The following LAMA2 variants were observed in gnomAD, a reference collection of about 807,000 sequenced individuals.
LAMA2 encodes laminin subunit alpha 2, also known as laminin subunit alpha-2.
Under a neutral mutation model 364.8 loss-of-function variants are expected in LAMA2, and 269 were observed. The ratio of observed to expected loss-of-function variants is 0.74; its 90% CI spans 0.67 to 0.82. LAMA2 has a LOEUF of 0.82. LAMA2 is among the 40% of genes least tolerant of loss of function. The pLI is 0.00. For missense variants in LAMA2, 3,807 were observed against 3,873.2 expected (o/e 0.98, Z 0.45); for synonymous variants, 1,379 against 1,370.6 (o/e 1.01, Z -0.14).
intron 32 of LAMA2, 84 bp from the exon 33 acceptor site, chr6:129,366,135 A>C (rs1777759293): frequency 7.0e-7 from 1 of 1,436,810 alleles, no homozygotes; most frequent in African/African-American, 1.4e-5. Context: ...CTTGGACCAT[A>C]AAATATTTCA....
chr6:128,941,702 T>C (rs1447835566), intron 1 of LAMA2, among the ~76,000 whole-genome samples: 2 of 152,206 alleles, frequency 1.3e-5, no homozygotes, highest in East Asian at 3.8e-4. Context: ...ATGGTAAATA[T>C]ATAAGTGAGA....
intron 11 of LAMA2, 34 bp downstream of exon 11, chr6:129,190,379 C>A: frequency 6.2e-7 from 1 of 1,605,834 alleles, no homozygotes; most frequent in Non-Finnish European, 8.5e-7. Flanking sequence ...GTTTGCTGCC[C>A]CAGCAGCCTT....
chr6:129,158,856 C>T (rs1167231433), intron 8 of LAMA2: 3 of 1,613,926 alleles, frequency 1.9e-6, no homozygotes, highest in Non-Finnish European at 2.5e-6. Flanking sequence ...CCCTGGTCAT[C>T]TTCTTCTATG....
chr6:129,468,161 A>C (rs1783639194), intron 51 of LAMA2, among the ~76,000 whole-genome samples: 1 of 151,890 alleles, frequency 6.6e-6, no homozygotes, highest in South Asian at 2.1e-4. Context: ...TTTGGGTATT[A>C]ATGACATGAA....
intron 2 of LAMA2, among the ~76,000 whole-genome samples, 170 bp downstream of exon 2, chr6:129,050,258 T>G (rs1485210987): frequency 6.6e-6 from 1 of 152,182 alleles, no homozygotes; most frequent in Admixed American, 6.5e-5. Flanking sequence ...CAAACATTAT[T>G]GGAGTTCCTG....
At chr6:129,139,251 T>G (rs546817306) in intron 4 of LAMA2, among the ~76,000 whole-genome samples, 1 of 152,222 alleles carries the variant, frequency 6.6e-6, no homozygotes, top group South Asian at 2.1e-4. Flanking sequence ...TTCCTTGAGC[T>G]TTCTACAGCT....
At chr6:129,451,640 C>T (rs774926850) in intron 45 of LAMA2, among the ~76,000 whole-genome samples, 17 of 152,170 alleles carry the variant, frequency 1.1e-4, no homozygotes, top group Non-Finnish European at 1.6e-4. Context: ...CTGTGGGAGA[C>T]GTAACAGATC....
intron 10 of LAMA2, among the ~76,000 whole-genome samples, chr6:129,184,407 G>A (rs1373775733): frequency 6.6e-6 from 1 of 151,774 alleles, no homozygotes; most frequent in South Asian, 2.1e-4. Flanking sequence ...TTTTTACATG[G>A]ACAGACTCTC....
intron 12 of LAMA2, among the ~76,000 whole-genome samples, chr6:129,249,304 A>G (rs368196552): frequency 6.6e-6 from 1 of 152,194 alleles, no homozygotes; most frequent in African/African-American, 2.4e-5. Context: ...AATTTTAAAA[A>G]AAGGATTGCA....
At chr6:129,253,034 C>T (rs1051486307) in intron 14 of LAMA2, among the ~76,000 whole-genome samples, 3 of 152,102 alleles carry the variant, frequency 2.0e-5, no homozygotes, top group Non-Finnish European at 2.9e-5. Flanking sequence ...TTGTTCTCCC[C>T]GCCCCCTTTT....
At chr6:129,237,696 G>T (rs1177897220) in intron 12 of LAMA2, among the ~76,000 whole-genome samples, 1 of 152,046 alleles carries the variant, frequency 6.6e-6, no homozygotes, top group Non-Finnish European at 1.5e-5. Flanking sequence ...AGGTGAAACT[G>T]CTATGTCAAA....
intron 14 of LAMA2, among the ~76,000 whole-genome samples, chr6:129,257,734 C>T (rs147687374): frequency 6.6e-6 from 1 of 152,134 alleles, no homozygotes; most frequent in African/African-American, 2.4e-5. Context: ...TCCATTAATT[C>T]CAGGCAGTTA....
At chr6:129,172,959 C>G (rs1562299089) in intron 9 of LAMA2, among the ~76,000 whole-genome samples, 1 of 152,368 alleles carries the variant, frequency 6.6e-6, no homozygotes, top group East Asian at 1.9e-4. Flanking sequence ...TCACCCCTTT[C>G]TGTGACTCGG....
intron 1 of LAMA2, among the ~76,000 whole-genome samples, chr6:129,027,620 AAAT>A (rs1785918589): frequency 6.6e-6 from 1 of 151,980 alleles, no homozygotes. Context: ...GATATGGGCC[AAAT>A]GATAAAGAAC....
rs779071476 is a variant in LAMA2, at chr6:129,502,713, G to A, written c.8299G>A (p.Gly2767Arg). The A allele has an allele frequency of 1.7e-5, 27 of 1,613,876 alleles. No individual in the cohort carries two copies. The highest frequency in any genetic ancestry group is 1.1e-4 in the South Asian group (10 of 91,084). ...PALLIGSKQF[G>R]LSRNSHIAIA... is the part of the protein sequence containing the mutation. ...TCTTTTGATAGGGAGCAAGCAGTTC[G>A]GGCTTTCAAGAAACAGTCACATTGC... Residue 2767 changes from glycine to arginine, a missense_variant, in exon 59 of 65, where the codon GGG becomes AGG. Gly to Arg is a moderately radical substitution (Grantham distance 125, BLOSUM62 -2). Coordinates refer to ENST00000421865, the MANE Select transcript of LAMA2 (RefSeq NM_000426.4).
intron 62 of LAMA2, 60 bp from the exon 63 acceptor site, chr6:129,512,303 C>A: frequency 6.7e-7 from 1 of 1,487,166 alleles, no homozygotes; most frequent in Non-Finnish European, 9.4e-7. Context: ...GCATTGTACA[C>A]GTTTGAATTA....
chr6:129,027,425 G>A (rs1033506214), intron 1 of LAMA2, among the ~76,000 whole-genome samples: 3 of 151,968 alleles, frequency 2.0e-5, no homozygotes, highest in Admixed American at 6.6e-5. Flanking sequence ...CTAACATGTC[G>A]TAAGTGAATG....
At chr6:129,072,056 A>C (rs1773351827) in intron 3 of LAMA2, among the ~76,000 whole-genome samples, 1 of 152,190 alleles carries the variant, frequency 6.6e-6, no homozygotes, top group Admixed American at 6.5e-5. Context: ...CTGAGGTGGG[A>C]GAATCACTTC....
intron 62 of LAMA2, among the ~76,000 whole-genome samples, chr6:129,508,770 T>C (rs189591374): frequency 2.6e-5 from 4 of 152,352 alleles, no homozygotes; most frequent in Admixed American, 2.6e-4. Context: ...GTTCATCTGC[T>C]GATGGACACT....
Sources: allele counts gnomAD v4.1 joint callset (sites outside exome capture counted in the v4.1 genomes callset), GRCh38; gene constraint gnomAD v4.1.1; transcripts MANE v1.5; gene names NCBI Gene and HGNC (gene_info 2026-07-23, HGNC 2026-07-21).